CTNNA3: variants seen among roughly 807,000 people sequenced by gnomAD.
CTNNA3 encodes the protein catenin alpha-3.
Under a neutral mutation model 95.7 loss-of-function variants are expected in CTNNA3, and 76 were observed. The ratio of observed to expected loss-of-function variants is 0.79; its 90% confidence interval spans 0.66 to 0.96. The LOEUF (loss-of-function observed/expected upper bound fraction) is 0.96. Among genes scored for constraint, CTNNA3 ranks in the 40% least tolerant of loss-of-function variants. The pLI, the probability that CTNNA3 is intolerant of heterozygous loss-of-function variation, is 0.00. For synonymous variants in CTNNA3, 431 were observed against 374.4 expected (o/e 1.15, Z -1.74); for missense variants, 1,191 against 1,089.8 (o/e 1.09, Z -1.31).
chr10:66,729,752 A>T (rs532854710), intron 9 of CTNNA3, among the ~76,000 whole-genome samples: 1 of 152,308 alleles, frequency 6.6e-6, no homozygotes, highest in South Asian at 2.1e-4. Context: ...GAACTTACTC[A>T]TGTAACCAAA....
intron 14 of CTNNA3, among the ~76,000 whole-genome samples, chr10:66,102,528 T>C (rs2081679121): frequency 6.6e-6 from 1 of 152,146 alleles, no homozygotes; most frequent in Admixed American, 6.5e-5. Flanking sequence ...CTGTACTACG[T>C]GGGTTTCAGA....
intron 12 of CTNNA3, among the ~76,000 whole-genome samples, chr10:66,310,749 C>T (rs891177335): frequency 1.4e-5 from 2 of 145,414 alleles, no homozygotes; most frequent in East Asian, 2.0e-4. Flanking sequence ...TGCAGTGGTG[C>T]GAACTCAGCT....
At chr10:66,709,416 G>C (rs1418104784) in intron 9 of CTNNA3, among the ~76,000 whole-genome samples, 1 of 152,078 alleles carries the variant, frequency 6.6e-6, no homozygotes, top group Non-Finnish European at 1.5e-5. Flanking sequence ...GCAAATGTCA[G>C]ATGAAATGGA....
chr10:66,198,225 C>T (rs2087089409), intron 13 of CTNNA3, among the ~76,000 whole-genome samples: 2 of 152,086 alleles, frequency 1.3e-5, no homozygotes, highest in South Asian at 4.1e-4. Context: ...CCAAGGAAAG[C>T]TTTTTTCCTT....
chr10:67,231,846 A>C (rs184784593), intron 5 of CTNNA3, among the ~76,000 whole-genome samples: 3 of 152,344 alleles, frequency 2.0e-5, no homozygotes, highest in East Asian at 1.9e-4. Flanking sequence ...ACCAAGGCTC[A>C]AGAACTACGT....
chr10:67,464,854 CT>C (rs1305873419), intron 5 of CTNNA3, among the ~76,000 whole-genome samples: 3 of 146,984 alleles, frequency 2.0e-5, no homozygotes, highest in Non-Finnish European at 4.4e-5. Flanking sequence ...CTCTTCAAAA[CT>C]GTAGGTAAGA....
chr10:66,497,599 A>T (rs375095630), intron 11 of CTNNA3, among the ~76,000 whole-genome samples: 67 of 152,206 alleles, frequency 4.4e-4, no homozygotes, highest in African/African-American at 1.6e-3. Context: ...ATTAGAAAAG[A>T]GCACTGTATA....
intron 15 of CTNNA3, among the ~76,000 whole-genome samples, chr10:66,023,064 G>A (rs188236668): frequency 6.8e-6 from 1 of 147,058 alleles, no homozygotes; most frequent in Non-Finnish European, 1.5e-5. Context: ...GCTAGAATTC[G>A]AACACCTCAC....
intron 7 of CTNNA3, among the ~76,000 whole-genome samples, chr10:67,117,583 C>G (rs956271871): frequency 1.3e-5 from 2 of 151,904 alleles, no homozygotes; most frequent in African/African-American, 4.8e-5. Context: ...CAGAAAATAC[C>G]TGGGAGACAA....
chr10:67,200,682 T>C (rs989767310), intron 6 of CTNNA3, among the ~76,000 whole-genome samples: 3 of 152,150 alleles, frequency 2.0e-5, no homozygotes, highest in African/African-American at 7.2e-5. Flanking sequence ...ATATACCAGG[T>C]AGACAATACT....
intron 5 of CTNNA3, among the ~76,000 whole-genome samples, chr10:67,284,240 G>A (rs1839507041): frequency 6.6e-6 from 1 of 152,180 alleles, no homozygotes; most frequent in Admixed American, 6.5e-5. Context: ...TTTTGCCAGT[G>A]TTCTCATTGC....
chr10:65,972,775 G>A (rs1221142831), intron 16 of CTNNA3, among the ~76,000 whole-genome samples: 2 of 151,890 alleles, frequency 1.3e-5, no homozygotes, highest in Non-Finnish European at 1.5e-5. Flanking sequence ...GCTGCTCAAA[G>A]CAATCTACAG....
intron 2 of CTNNA3, among the ~76,000 whole-genome samples, chr10:67,632,388 G>A (rs1285129208): frequency 6.6e-6 from 1 of 151,920 alleles, no homozygotes; most frequent in Non-Finnish European, 1.5e-5. Context: ...CAACCTCGCT[G>A]CCGGCACCAA....
chr10:67,005,325 G>A (rs1397169357), intron 7 of CTNNA3, among the ~76,000 whole-genome samples: 2 of 152,084 alleles, frequency 1.3e-5, no homozygotes, highest in Non-Finnish European at 2.9e-5. Context: ...CATAATTGAA[G>A]GGAGAAAACA....
intron 2 of CTNNA3, among the ~76,000 whole-genome samples, chr10:67,641,873 G>A (rs946311025): frequency 4.6e-5 from 7 of 152,134 alleles, no homozygotes; most frequent in South Asian, 2.1e-4. Flanking sequence ...AGCCGGGAGC[G>A]GGGAGTGATA....
chr10:66,263,479 T>A (rs1333833996), intron 13 of CTNNA3, among the ~76,000 whole-genome samples: 1 of 152,032 alleles, frequency 6.6e-6, no homozygotes, highest in Non-Finnish European at 1.5e-5. Flanking sequence ...AAGAGACCAC[T>A]TTACAGAATA....
chr10:67,372,731 GTCGGGTTACC>G (rs1203463053), intron 5 of CTNNA3, among the ~76,000 whole-genome samples: 1 of 152,172 alleles, frequency 6.6e-6, no homozygotes, highest in African/African-American at 2.4e-5. Flanking sequence ...AGAGAGAAAG[GTCGGGTTACC>G]CACAAAGGGA....
intron 4 of CTNNA3, among the ~76,000 whole-genome samples, chr10:67,535,938 C>T (rs1231994450): frequency 6.6e-6 from 1 of 152,020 alleles, no homozygotes; most frequent in Non-Finnish European, 1.5e-5. Flanking sequence ...AATAGCCATT[C>T]ACATTATAAG....
intron 11 of CTNNA3, among the ~76,000 whole-genome samples, chr10:66,459,546 C>G (rs1448020230): frequency 6.6e-6 from 1 of 152,080 alleles, no homozygotes; most frequent in African/African-American, 2.4e-5. Flanking sequence ...ATTTTCTTTT[C>G]TTTAAAAACA....
Sources: gnomAD v4.1 joint callset for allele counts (sites outside exome capture counted in the v4.1 genomes callset) on GRCh38, gnomAD v4.1.1 for gene constraint, MANE v1.5 for transcripts, NCBI Gene and HGNC (gene_info 2026-07-23, HGNC 2026-07-21) for gene names.